The following SAXO1 variants were observed in gnomAD, a reference collection of about 807,000 sequenced individuals.
The protein encoded by SAXO1 is stabilizer of axonemal microtubules 1.
Under a neutral mutation model 17.5 loss-of-function variants are expected in SAXO1, and 21 were observed. The observed-to-expected ratio is 1.20, with a 90% CI of 0.85 to 1.72. The LOEUF is 1.72. Among genes scored for constraint, SAXO1 ranks in the 40% most tolerant of loss-of-function variants. The probability of loss-of-function intolerance (pLI) is 0.00; values close to 1 mark genes in which losing one functional copy is unlikely to be tolerated. For missense variants in SAXO1, 843 were observed against 596.0 expected (o/e 1.41, Z -4.32); for synonymous variants, 274 against 216.5 (o/e 1.27, Z -2.33).
chr9:19,039,775 C>A (rs7859319), intron 1 of SAXO1, among the ~76,000 whole-genome samples: 53,244 of 152,050 alleles, frequency 0.35, 10,102 homozygotes, highest in East Asian at 0.42. Flanking sequence ...GTCCCCCAGG[C>A]TGGAGTGTGA....
intron 2 of SAXO1, 82 bp downstream of exon 2, chr9:18,950,676 A>T: frequency 8.1e-7 from 1 of 1,241,770 alleles, no homozygotes; most frequent in Non-Finnish European, 1.1e-6. Flanking sequence ...ACTGCACATT[A>T]CATTAATATT....
chr9:19,005,327 G>A (rs1287106922), intron 1 of SAXO1, among the ~76,000 whole-genome samples: 2 of 150,762 alleles, frequency 1.3e-5, no homozygotes, highest in East Asian at 1.9e-4. Context: ...AATAATCTTG[G>A]AGAAAAAAAA....
intron 1 of SAXO1, among the ~76,000 whole-genome samples, chr9:18,962,438 C>G (rs577189682): frequency 6.6e-6 from 1 of 152,192 alleles, no homozygotes; most frequent in Non-Finnish European, 1.5e-5. Flanking sequence ...TGGCCGCATA[C>G]ATGTCTTCTT....
intron 1 of SAXO1, among the ~76,000 whole-genome samples, chr9:18,977,928 G>A (rs1191721031): frequency 1.4e-5 from 2 of 146,218 alleles, no homozygotes; most frequent in South Asian, 2.1e-4. Context: ...CCCGGGAGGC[G>A]GAGGTTGCAG....
intron 1 of SAXO1, among the ~76,000 whole-genome samples, chr9:18,995,150 C>G (rs1225752171): frequency 6.6e-6 from 1 of 152,274 alleles, no homozygotes; most frequent in East Asian, 1.9e-4. Flanking sequence ...CCTTTTCTCC[C>G]CCCAAAAATA....
At chr9:19,038,190 G>A (rs202135060), upstream of SAXO1, among the ~76,000 whole-genome samples, 738 of 152,278 alleles carry the variant, frequency 4.8e-3, 5 homozygotes, top group African/African-American at 0.017. Context: ...ATTGTGGAAG[G>A]CAGTGTGGCG....
chr9:18,993,875 T>A (rs952867566), intron 1 of SAXO1, among the ~76,000 whole-genome samples: 32 of 152,188 alleles, frequency 2.1e-4, no homozygotes, highest in African/African-American at 7.5e-4. Flanking sequence ...GGGAGGGGGA[T>A]AAGTCCAGAA....
At chr9:18,959,273 G>C (rs974813415) in intron 1 of SAXO1, among the ~76,000 whole-genome samples, 2 of 152,190 alleles carry the variant, frequency 1.3e-5, no homozygotes, top group African/African-American at 4.8e-5. Flanking sequence ...TGCAAATACA[G>C]AGAAACAGAT....
chr9:19,012,413 G>C (rs1051243572), intron 1 of SAXO1, among the ~76,000 whole-genome samples: 4 of 152,250 alleles, frequency 2.6e-5, no homozygotes, highest in African/African-American at 9.6e-5. Flanking sequence ...AAAATAATCT[G>C]TAATAGACAA....
At position 18,928,821 on chromosome 9, in the gene SAXO1, C is replaced by T. The variant is rs1440135697; in HGVS notation, c.656G>A (p.Arg219His). 5 of 1,614,114 alleles carry T rather than the reference C, an allele frequency of 3.1e-6. No individual in the cohort carries two copies. Among genetic ancestry groups the T allele is most frequent in the South Asian group, 2.2e-5 (2 of 91,076 alleles). ...GAACTTCTCTGCTTCATGCACAAAG[C>T]GCTTCTCCACGGGGTGGGCCACATA... Reference protein sequence around the residue: ...MSYVAHPVEKRFVHEAEKFRP... With the variant: ...MSYVAHPVEKHFVHEAEKFRP... The change falls in exon 4 of 4, where the codon CGC becomes CAC. Residue 219 changes from arginine to histidine, a missense_variant. Physicochemically the swap from Arg to His is conservative, Grantham distance 29. Coordinates refer to ENST00000380534, the MANE Select transcript of SAXO1 (RefSeq NM_153707.4).
chr9:18,953,039 C>T (rs889439937), intron 1 of SAXO1, among the ~76,000 whole-genome samples: 3 of 152,158 alleles, frequency 2.0e-5, no homozygotes, highest in African/African-American at 7.2e-5. Context: ...ACAATCGGTC[C>T]GACTATCTGA....
At position 18,984,722 on chromosome 9, in the gene SAXO1, T is replaced by C. The variant is rs1285009646; in HGVS notation, c.39-33785A>G. On this transcript the variant is annotated intron_variant, in intron 1 of 3. Transcript: ENST00000380534. The stretch of plus-strand genomic sequence containing the variant: ...GTTGTGGCTGCTAAAACTTTCTCCA[T>C]ATCACTAAAACTTTCCCCATATCAG... Among the ~76,000 whole-genome samples, 13 of 152,288 alleles carry C rather than the reference T, an allele frequency of 8.5e-5. No homozygotes were observed. In the South Asian group the frequency reaches 2.1e-3, roughly 24 times the overall value.
intron 2 of SAXO1, among the ~76,000 whole-genome samples, chr9:18,948,252 GC>G (rs1831877810): frequency 6.6e-6 from 1 of 152,168 alleles, no homozygotes; most frequent in Admixed American, 6.5e-5. Flanking sequence ...ATCATGGCAG[GC>G]ACAGGGTTGA....
chr9:18,958,557 G>A (rs915929204), intron 1 of SAXO1, among the ~76,000 whole-genome samples: 2 of 151,918 alleles, frequency 1.3e-5, no homozygotes, highest in African/African-American at 4.8e-5. Flanking sequence ...TATTTGGTAC[G>A]CATATAACAA....
At chr9:18,936,426 C>T (rs1199992875) in intron 3 of SAXO1, among the ~76,000 whole-genome samples, 1 of 152,058 alleles carries the variant, frequency 6.6e-6, no homozygotes, top group African/African-American at 2.4e-5. Flanking sequence ...CCTACGCACT[C>T]CCTCAAGGTA....
chr9:18,996,136 G>C (rs1484467118), intron 1 of SAXO1, among the ~76,000 whole-genome samples: 1 of 150,748 alleles, frequency 6.6e-6, no homozygotes, highest in Non-Finnish European at 1.5e-5. Flanking sequence ...ATATTCAAAA[G>C]TAGAAATCAT....
chr9:18,984,193 G>C (rs1350883030), intron 1 of SAXO1, among the ~76,000 whole-genome samples: 1 of 152,118 alleles, frequency 6.6e-6, no homozygotes, highest in Non-Finnish European at 1.5e-5. Flanking sequence ...CATCATCCAG[G>C]CTTTACTGTT....
At chr9:18,993,990 TAAACCA>T (rs1441381565) in intron 1 of SAXO1, among the ~76,000 whole-genome samples, 1 of 152,160 alleles carries the variant, frequency 6.6e-6, no homozygotes, top group East Asian at 1.9e-4. Flanking sequence ...CAAAATGAGT[TAAACCA>T]AATCAACTTA....
intron 1 of SAXO1, among the ~76,000 whole-genome samples, chr9:19,028,470 C>T (rs993419148): frequency 1.3e-5 from 2 of 152,208 alleles, no homozygotes; most frequent in Non-Finnish European, 2.9e-5. Flanking sequence ...ATTATACTCT[C>T]ATATACAAAA....
Sources: allele counts gnomAD v4.1 joint callset (sites outside exome capture counted in the v4.1 genomes callset), GRCh38; gene constraint gnomAD v4.1.1; transcripts MANE v1.5; gene names NCBI Gene and HGNC (gene_info 2026-07-23, HGNC 2026-07-21).